NID1: variants seen among roughly 807,000 people sequenced by gnomAD.
The protein encoded by NID1 is nidogen 1, also known as nidogen-1.
A neutral mutation model predicts 130.6 loss-of-function variants in NID1; 76 were observed. The ratio of observed to expected loss-of-function variants is 0.58; its 90% confidence interval spans 0.48 to 0.70. The LOEUF is 0.70. Ranked by LOEUF, NID1 falls within the 30% of genes least tolerant of loss-of-function variation. NID1 has a pLI of 0.00. For missense variants in NID1, 1,517 were observed against 1,664.8 expected, an observed-to-expected ratio of 0.91 and a Z score of 1.54; for synonymous variants, 665 against 675.1, an observed-to-expected ratio of 0.98 and a Z score of 0.23.
rs962306038 is a variant in NID1, at chr1:236,048,878, T to C, written c.337A>G (p.Thr113Ala). Residue 113 changes from threonine (T) to alanine (A), a missense_variant, in exon 2 of 20, where the codon ACG becomes GCG. Thr to Ala is a moderately conservative substitution (Grantham distance 58). Coordinates refer to ENST00000264187, the MANE Select transcript of NID1 (RefSeq NM_002508.3). ...AVAPFLADLD[T>A]TDGLGKVYYR... ...TAAACCTTCCCCAGGCCATCGGTCG[T>C]GTCCAAGTCCGCCAGGAAAGGGGCG... 2 of 1,614,030 alleles carry C rather than the reference T, an allele frequency of 1.2e-6. No homozygotes were observed. Among genetic ancestry groups the C allele is most frequent in the Non-Finnish European group, 8.5e-7 (1 of 1,179,998 alleles).
At chr1:236,022,243 G>A (rs1164323238) in intron 9 of NID1, among the ~76,000 whole-genome samples, 3 of 151,484 alleles carry the variant, frequency 2.0e-5, no homozygotes, top group Non-Finnish European at 2.9e-5. Context: ...CTTCAGCCTG[G>A]GCAACAGAGT....
chr1:235,997,457 A>G (rs1015539002), intron 12 of NID1, among the ~76,000 whole-genome samples: 1 of 152,200 alleles, frequency 6.6e-6, no homozygotes, highest in Non-Finnish European at 1.5e-5. Context: ...TTATTTGTAT[A>G]TATGTTTACA....
chr1:236,026,273 A>C, intron 7 of NID1, 132 bp from the exon 8 acceptor site: 3 of 1,077,070 alleles, frequency 2.8e-6, no homozygotes, highest in Non-Finnish European at 4.0e-6. Flanking sequence ...CAGATGACAG[A>C]CCAGACAGAA....
intron 4 of NID1, among the ~76,000 whole-genome samples, chr1:236,039,794 G>A (rs1659393247): frequency 6.6e-6 from 1 of 152,162 alleles, no homozygotes; most frequent in Admixed American, 6.5e-5. Context: ...GACAGCGTTT[G>A]GAGCCGAGCA....
At position 235,990,953 on chromosome 1, in the gene NID1, A is replaced by G. The variant is rs1240044466; in HGVS notation, c.2861T>C (p.Ile954Thr). The part of the protein sequence containing the change: ...THLLFAQTGK[I>T]ERLPLEGNTM... ...ATTTCCCTCCAGGGGCAGGCGCTCA[A>G]TCTTCCCAGTCTGGGCAAAGAGTAA... is the stretch of plus-strand genomic sequence containing the variant. The change falls in exon 14 of 20, where the codon ATT (isoleucine) becomes ACT (threonine). Residue 954 changes from isoleucine (I) to threonine (T), a missense_variant. Ile to Thr is a moderately conservative substitution (Grantham distance 89). Around this residue, in one of 3 missense-constraint regions of NID1, gnomAD observed 1,329 missense variants for 1,429.2 expected, o/e 0.93. Transcript: ENST00000264187. 6.2e-7 allele frequency: 1 copy of G among 1,614,028 alleles called. No homozygotes were observed. The highest frequency in any genetic ancestry group is 1.7e-5 in the Admixed American group (1 of 60,000).
chr1:236,006,220 T>C (rs989856278), intron 12 of NID1, among the ~76,000 whole-genome samples: 2 of 152,208 alleles, frequency 1.3e-5, no homozygotes, highest in Non-Finnish European at 2.9e-5. Context: ...CAGGTAATAA[T>C]GAGCATGAAT....
chr1:236,044,041 A>G (rs1659528279), intron 3 of NID1, among the ~76,000 whole-genome samples: 2 of 152,170 alleles, frequency 1.3e-5, no homozygotes, highest in Non-Finnish European at 2.9e-5. Context: ...AATTACATGA[A>G]ATAATTATAT....
At chr1:236,012,800 G>A (rs1330505958) in intron 11 of NID1, among the ~76,000 whole-genome samples, 1 of 152,070 alleles carries the variant, frequency 6.6e-6, no homozygotes, top group Non-Finnish European at 1.5e-5. Flanking sequence ...TCTTAGTTGG[G>A]ACTTTTTAGA....
intron 1 of NID1, among the ~76,000 whole-genome samples, chr1:236,062,552 T>G (rs1660068691): frequency 6.7e-6 from 1 of 150,152 alleles, no homozygotes. Context: ...GAGAATCTCT[T>G]GAACCTGGGA....
At chr1:236,064,732 G>A (rs886073539) in intron 1 of NID1, 123 bp downstream of exon 1, 2 of 807,062 alleles carry the variant, frequency 2.5e-6, no homozygotes, top group South Asian at 1.9e-5. Context: ...CGCCGTGCCC[G>A]GTGCCCCGGC....
At chr1:236,004,780 A>C (rs1658197570) in intron 12 of NID1, among the ~76,000 whole-genome samples, 1 of 151,304 alleles carries the variant, frequency 6.6e-6, no homozygotes, top group South Asian at 2.1e-4. Flanking sequence ...AAAAAAAAAA[A>C]AAGTTAAAAA....
intron 1 of NID1, among the ~76,000 whole-genome samples, chr1:236,058,098 TCTTAAGGTAA>T (rs1558452286): frequency 6.6e-6 from 1 of 152,358 alleles, no homozygotes; most frequent in East Asian, 1.9e-4. Context: ...AATATTATCA[TCTTAAGGTAA>T]CTTAAGGTAA....
At chr1:236,017,341 A>C (rs1410248069) in intron 9 of NID1, 68 bp from the exon 10 acceptor site, 7 of 1,542,340 alleles carry the variant, frequency 4.5e-6, no homozygotes, top group Non-Finnish European at 5.3e-6. Context: ...TGACTATAAT[A>C]AAATAGCATT....
At chr1:236,010,657 G>A (rs1439403056) in intron 12 of NID1, among the ~76,000 whole-genome samples, 1 of 152,270 alleles carries the variant, frequency 6.6e-6, no homozygotes, top group South Asian at 2.1e-4. Flanking sequence ...TACTGAACTC[G>A]GCCTTTGTAA....
At position 236,048,675 on chromosome 1, in the gene NID1, T is replaced by A. The variant is rs777287548; in HGVS notation, c.525+15A>T. ...GTGTCTGATTACCTGCACTTGGACCTGGAGGGGAGCTTACCTTGCCTTTCT... is the reference window on the plus strand; with the variant it reads ...GTGTCTGATTACCTGCACTTGGACCAGGAGGGGAGCTTACCTTGCCTTTCT... On this transcript the variant is annotated intron_variant, in intron 2 of 19. Transcript: ENST00000264187. 1.2e-6 allele frequency: 2 copies of A among 1,604,208 alleles called. No homozygotes were observed. The highest frequency in any genetic ancestry group is 2.2e-5 in the South Asian group (2 of 89,720).
At chr1:236,028,450 G>C (rs1268257171) in intron 7 of NID1, among the ~76,000 whole-genome samples, 1 of 152,154 alleles carries the variant, frequency 6.6e-6, no homozygotes, top group Non-Finnish European at 1.5e-5. Flanking sequence ...TGAGGCTGCA[G>C]TGAGCCGAGA....
chr1:235,991,746 C>T lies in NID1; in HGVS notation c.2756-688G>A, dbSNP rs541258772. Among the ~76,000 whole-genome samples the T allele has an allele frequency of 6.2e-4, 94 of 152,274 alleles. No homozygotes were observed. The Middle Eastern group carries it at 0.01, about 17-fold the overall frequency. ...AGCAGCACCAGCGGTAGCACAACAG[C>T]GAAAACAGCATCCCTGAACTCCCTG... On this transcript the variant is annotated intron_variant, in intron 13 of 19. Transcript: ENST00000264187.
At chr1:236,040,853 C>G (rs1214748857) in intron 4 of NID1, among the ~76,000 whole-genome samples, 1 of 152,146 alleles carries the variant, frequency 6.6e-6, no homozygotes, top group South Asian at 2.1e-4. Context: ...TTAGTAGAGG[C>G]AGGATTTCAC....
rs1315370174 is a variant in NID1 at position 236,034,980 on chromosome 1, T to TTTTC, written c.1286-2332_1286-2329dup. Among the ~76,000 whole-genome samples, 5 of 113,864 alleles carry TTTTC rather than the reference T, an allele frequency of 4.4e-5. No individual in the cohort carries two copies. In the East Asian group the frequency reaches 1.1e-3, roughly 24 times the overall value. 74.7% of individuals were successfully genotyped at this position (113,864 alleles called of 152,430 possible). A position where few individuals can be genotyped will look rare whatever the true frequency, so the allele number is the denominator to read the frequency against. On this transcript the variant is annotated intron_variant, in intron 5 of 19. Coordinates refer to ENST00000264187, the MANE Select transcript of NID1 (RefSeq NM_002508.3). The stretch of plus-strand genomic sequence containing the variant: ...GGTTCTCGGCAGAGTTTTCTTTTTT[T>TTTTC]TTTCTTTCTTTCTTTCTTTTTTTTT...
Sources: gnomAD v4.1 joint callset for allele counts (sites outside exome capture counted in the v4.1 genomes callset) on GRCh38, gnomAD v4.1.1 for gene constraint, gnomAD v4.1.1 regional missense constraint, MANE v1.5 for transcripts, NCBI Gene and HGNC (gene_info 2026-07-23, HGNC 2026-07-21) for gene names.